Variants in RASEF observed in about 807,000 individuals in gnomAD.
The protein encoded by RASEF is ras and EF-hand domain-containing protein.
RASEF carries 68 observed loss-of-function variants against 90.1 expected under a neutral mutation model. The observed-to-expected ratio is 0.75, with a 90% CI of 0.62 to 0.92. The LOEUF (loss-of-function observed/expected upper bound fraction) is 0.92, where lower values mean the gene tolerates loss of function less well. RASEF is among the 40% of genes least tolerant of loss of function. The pLI is 0.00. For synonymous variants in RASEF, 331 were observed against 345.2 expected (o/e 0.96, Z 0.46); for missense variants, 949 against 937.2 (o/e 1.01, Z -0.16).
At chr9:83,138,834 T>C in the RASEF span, among the ~76,000 whole-genome samples, 14 of 152,128 alleles carry the variant, frequency 9.2e-5, no homozygotes, top group African/African-American at 2.4e-4. Flanking sequence ...TAAAAACTTA[T>C]GATTAGTGTC....
the RASEF span, among the ~76,000 whole-genome samples, chr9:83,084,169 C>A: frequency 2.6e-5 from 4 of 152,040 alleles, no homozygotes; most frequent in Admixed American, 2.6e-4. Flanking sequence ...TGTAATAGTG[C>A]CATATCTTTT....
chr9:83,003,145 A>G (rs1829068100), intron 9 of RASEF, among the ~76,000 whole-genome samples: 1 of 152,252 alleles, frequency 6.6e-6, no homozygotes, highest in Non-Finnish European at 1.5e-5. Context: ...CTGATGTACA[A>G]CATGCTTTTA....
At chr9:82,995,750 A>C (rs963579246) in intron 14 of RASEF, among the ~76,000 whole-genome samples, 22 of 152,134 alleles carry the variant, frequency 1.4e-4, no homozygotes, top group African/African-American at 5.3e-4. Context: ...TTGATATCAG[A>C]GGCTTCTTCA....
chr9:83,186,611 C>T, the RASEF span, among the ~76,000 whole-genome samples: 1 of 152,060 alleles, frequency 6.6e-6, no homozygotes, highest in African/African-American at 2.4e-5. Context: ...TATCCTGCTC[C>T]TCTTCTTCCT....
intron 1 of RASEF, chr9:83,049,259 A>C: frequency 3.1e-6 from 3 of 970,724 alleles, no homozygotes; most frequent in Non-Finnish European, 3.7e-6. Context: ...TACATTTCTA[A>C]AATCGACACA....
At chr9:83,195,582 A>G in the RASEF span, among the ~76,000 whole-genome samples, 1 of 152,184 alleles carries the variant, frequency 6.6e-6, no homozygotes, top group African/African-American at 2.4e-5. Context: ...GGAAAAACAG[A>G]CAAGAAAGAA....
chr9:83,170,175 G>C, the RASEF span, among the ~76,000 whole-genome samples: 1 of 151,940 alleles, frequency 6.6e-6, no homozygotes, highest in African/African-American at 2.4e-5. Context: ...ACCTATTATT[G>C]AAGAGACTGT....
chr9:83,114,261 A>G, the RASEF span, among the ~76,000 whole-genome samples: 5 of 152,282 alleles, frequency 3.3e-5, 1 homozygote, highest in South Asian at 8.3e-4. Flanking sequence ...ATGGACACTT[A>G]TCACTTCCCC....
Position 82,997,024 on chromosome 9 carries a change from T to G in RASEF, c.1908A>C (p.Val636=). Residue 636 remains valine, a synonymous_variant, in exon 14 of 17, where the codon GTA becomes GTC. Transcript: ENST00000376447. ...EKSFLNIREW[V]DMIEDAAHET... ...TATGATTTCTTACCTCAATCATATC[T>G]ACCCATTCTCGTATGTTAAGAAAGC... The G allele has an allele frequency of 6.3e-7, 1 of 1,582,908 alleles. No homozygotes were observed. The highest frequency in any genetic ancestry group is 8.7e-7 in the Non-Finnish European group (1 of 1,151,602).
chr9:83,053,188 T>C lies in RASEF; in HGVS notation c.431+9249A>G, dbSNP rs1021965561. 9.4e-4 allele frequency among the ~76,000 whole-genome samples: 65 copies of C among 68,812 alleles called. 11 individuals carry two copies. The highest frequency in any genetic ancestry group is 6.5e-3 in the Middle Eastern group (1 of 154). 45.1% of individuals were successfully genotyped at this position (68,812 alleles called of 152,430 possible). ...TAATGTGTGGGAGTCTAAGTCTCTTTGTAGGTCACTCAGGACTTGCTTTAT... is the reference window on the plus strand; with the variant it reads ...TAATGTGTGGGAGTCTAAGTCTCTTCGTAGGTCACTCAGGACTTGCTTTAT... On this transcript the variant is annotated intron_variant, in intron 1 of 16. Transcript: ENST00000376447.
intron 1 of RASEF, among the ~76,000 whole-genome samples, chr9:83,030,062 T>C (rs1829617394): frequency 6.6e-6 from 1 of 152,176 alleles, no homozygotes; most frequent in Non-Finnish European, 1.5e-5. Flanking sequence ...TGTCAGGGTG[T>C]CATTAAGATA....
chr9:83,178,486 G>C, the RASEF span, among the ~76,000 whole-genome samples: 1 of 152,074 alleles, frequency 6.6e-6, no homozygotes, highest in Non-Finnish European at 1.5e-5. Context: ...CTCTTCTCTT[G>C]GTACTCAAGA....
At chr9:83,077,556 T>C in the RASEF span, among the ~76,000 whole-genome samples, 1 of 151,908 alleles carries the variant, frequency 6.6e-6, no homozygotes, top group Non-Finnish European at 1.5e-5. Flanking sequence ...TTTGATATAA[T>C]GTCCAGACTG....
At chr9:83,139,993 C>CT in the RASEF span, among the ~76,000 whole-genome samples, 1 of 152,068 alleles carries the variant, frequency 6.6e-6, no homozygotes, top group Non-Finnish European at 1.5e-5. Flanking sequence ...TTCTTAATGA[C>CT]TGGGGGGAAT....
chr9:83,087,101 A>G, the RASEF span, among the ~76,000 whole-genome samples: 1 of 152,218 alleles, frequency 6.6e-6, no homozygotes, highest in Non-Finnish European at 1.5e-5. Flanking sequence ...TGAATACCCA[A>G]TAAGAAAGAA....
intron 1 of RASEF, among the ~76,000 whole-genome samples, chr9:83,030,858 T>C (rs1219982428): frequency 6.6e-6 from 1 of 152,226 alleles, no homozygotes; most frequent in Non-Finnish European, 1.5e-5. Flanking sequence ...TCTTTCTTTC[T>C]CACTTTCTCA....
At chr9:83,002,759 C>G (rs557178242) in intron 9 of RASEF, among the ~76,000 whole-genome samples, 1 of 152,006 alleles carries the variant, frequency 6.6e-6, no homozygotes, top group Non-Finnish European at 1.5e-5. Flanking sequence ...ACATCAAGTT[C>G]TGAATTAAGA....
chr9:83,102,723 T>G, the RASEF span, among the ~76,000 whole-genome samples: 1 of 152,132 alleles, frequency 6.6e-6, no homozygotes, highest in African/African-American at 2.4e-5. Context: ...TAAGCTTGGC[T>G]AGTTTGAGTA....
chr9:83,097,515 G>A, the RASEF span, among the ~76,000 whole-genome samples: 1 of 152,124 alleles, frequency 6.6e-6, no homozygotes, highest in African/African-American at 2.4e-5. Flanking sequence ...CTGACAAAGG[G>A]CTAATATCCA....
Sources: gnomAD v4.1 joint callset for allele counts (sites outside exome capture counted in the v4.1 genomes callset) on GRCh38, gnomAD v4.1.1 for gene constraint, MANE v1.5 for transcripts, NCBI Gene and HGNC (gene_info 2026-07-23, HGNC 2026-07-21) for gene names.